ARFGEF1: variants seen among roughly 807,000 people sequenced by gnomAD.
The protein encoded by ARFGEF1 is brefeldin A-inhibited guanine nucleotide-exchange protein 1.
Under a neutral mutation model 231.0 loss-of-function variants are expected in ARFGEF1, and 42 were observed. The observed-to-expected ratio is 0.18, with a 90% confidence interval of 0.14 to 0.24. ARFGEF1 has a LOEUF of 0.24. Ranked by LOEUF, ARFGEF1 falls within the 10% of genes least tolerant of loss-of-function variation. The pLI, the probability that ARFGEF1 is intolerant of heterozygous loss-of-function variation, is 1.00. For synonymous variants in ARFGEF1, 710 were observed against 732.3 expected (o/e 0.97, Z 0.49); for missense variants, 1,345 against 2,192.0 (o/e 0.61, Z 7.72).
chr8:67,324,219 G>A (rs1399739319), intron 1 of ARFGEF1, among the ~76,000 whole-genome samples: 1 of 152,186 alleles, frequency 6.6e-6, no homozygotes, highest in Non-Finnish European at 1.5e-5. Flanking sequence ...GCTTGAACAT[G>A]GGAGGCAGAG....
At chr8:67,241,295 A>T (rs1478960044) in intron 19 of ARFGEF1, among the ~76,000 whole-genome samples, 1 of 152,190 alleles carries the variant, frequency 6.6e-6, no homozygotes, top group Non-Finnish European at 1.5e-5. Context: ...TTCTTCATCT[A>T]TTATATTTGA....
chr8:67,276,698 C>T (rs1270538558), intron 8 of ARFGEF1, among the ~76,000 whole-genome samples: 1 of 152,138 alleles, frequency 6.6e-6, no homozygotes, highest in Non-Finnish European at 1.5e-5. Context: ...TAAGGTGAAG[C>T]TCCCTAAATT....
At chr8:67,282,570 A>G (rs966375035) in intron 7 of ARFGEF1, among the ~76,000 whole-genome samples, 5 of 152,236 alleles carry the variant, frequency 3.3e-5, no homozygotes, top group Admixed American at 2.6e-4. Flanking sequence ...AATATAGGCC[A>G]GGCGCGGTGG....
Position 67,249,874 on chromosome 8 carries a change from G to A in ARFGEF1, c.2850+1425C>T, listed in dbSNP as rs146092371. On this transcript the variant is annotated intron_variant, in intron 19 of 38. Coordinates refer to ENST00000262215, the MANE Select transcript of ARFGEF1 (RefSeq NM_006421.5). Reference sequence around the variant, plus strand: ...TGACCTGAAGCAATCCACCCACCTCGGCCTCCCGAAGTGCTGGGAATACAG... The same window carrying A: ...TGACCTGAAGCAATCCACCCACCTCAGCCTCCCGAAGTGCTGGGAATACAG... Among the ~76,000 whole-genome samples the A allele has an allele frequency of 6.2e-3, 941 of 152,276 alleles. 12 individuals are homozygous for A. The highest frequency in any genetic ancestry group is 0.019 in the African/African-American group (793 of 41,554).
intron 22 of ARFGEF1, among the ~76,000 whole-genome samples, chr8:67,236,829 C>T (rs1384532240): frequency 6.6e-6 from 1 of 152,142 alleles, no homozygotes. Context: ...TGTAAATTCC[C>T]TTTTTCTGAA....
intron 6 of ARFGEF1, among the ~76,000 whole-genome samples, chr8:67,288,954 AAAAAC>A (rs1206119081): frequency 6.6e-6 from 1 of 151,958 alleles, no homozygotes; most frequent in Non-Finnish European, 1.5e-5. Context: ...AAAAAACAAA[AAAAAC>A]AAAAAAAAAA....
In ARFGEF1 at chr8:67,271,757, G is replaced by C; in HGVS notation, c.1517C>G (p.Ser506Cys). The C allele has an allele frequency of 6.2e-7, 1 of 1,613,652 alleles. No homozygotes were observed. The highest frequency in any genetic ancestry group is 1.1e-5 in the South Asian group (1 of 91,012). ...SVPEVFELSL[S>C]IFLTLLSNFK... ...ATTTGACAACAAAGTAAGAAATATA[G>C]AAAGAGAAAGCTCAAAAACCTCTGG... is the stretch of plus-strand genomic sequence containing the variant. The change falls in exon 10 of 39, where the codon TCT becomes TGT. Residue 506 changes from serine (S) to cysteine (C), a missense_variant. Ser to Cys is a moderately radical substitution (Grantham distance 112, BLOSUM62 -1). Transcript: ENST00000262215.
downstream of ARFGEF1, chr8:67,196,012 A>C (rs114550911): frequency 0.014 from 2,305 of 160,092 alleles, 60 homozygotes; most frequent in African/African-American, 0.053. Flanking sequence ...TGTAGCTGTG[A>C]TTATTCCAGT....
intron 1 of ARFGEF1, among the ~76,000 whole-genome samples, chr8:67,310,417 G>A (rs1189967651): frequency 6.6e-6 from 1 of 152,208 alleles, no homozygotes; most frequent in African/African-American, 2.4e-5. Context: ...TGCCCAGGCT[G>A]GAGTGCAGTG....
At chr8:67,342,487 T>A (rs1355079162) in intron 1 of ARFGEF1, among the ~76,000 whole-genome samples, 1 of 152,186 alleles carries the variant, frequency 6.6e-6, no homozygotes, top group Non-Finnish European at 1.5e-5. Flanking sequence ...TAAAGCCATT[T>A]TATCTAAAGG....
rs557273708 is a variant in ARFGEF1 at position 67,266,227 on chromosome 8, T to C, written c.1922-20A>G. ...CCTGACCTGAAAGAAGAAAAATTGA[T>C]AGAGTACATTATTCTATCAAAGAAA... On this transcript the variant is annotated intron_variant, in intron 13 of 38. Transcript: ENST00000262215. 2.4e-5 allele frequency: 39 copies of C among 1,600,376 alleles called. No individual in the cohort carries two copies. The South Asian group carries it at 3.5e-4, about 15-fold the overall frequency.
chr8:67,288,951 AAAAAAAAC>A (rs1346375079), intron 6 of ARFGEF1, among the ~76,000 whole-genome samples: 2 of 148,166 alleles, frequency 1.3e-5, no homozygotes, highest in Admixed American at 6.7e-5. Context: ...TGTAAAAAAC[AAAAAAAAC>A]AAAAAAAAAA....
downstream of ARFGEF1, among the ~76,000 whole-genome samples, chr8:67,194,687 TAAAA>T (rs546923662): frequency 7.4e-6 from 1 of 135,616 alleles, no homozygotes; most frequent in East Asian, 2.1e-4. Flanking sequence ...CCAGGAGAAT[TAAAA>T]AAAAAAAAAA....
At chr8:67,203,378 CAG>C in intron 35 of ARFGEF1, 127 bp from the exon 36 acceptor site, 7 of 1,100,154 alleles carry the variant, frequency 6.4e-6, no homozygotes, top group South Asian at 3.1e-5. Flanking sequence ...TCTAACCTAA[CAG>C]AAAGTAAGGG....
At chr8:67,186,959 AATCT>A (rs1347959989) in intron 5 of ARFGEF1, among the ~76,000 whole-genome samples, 22 of 148,398 alleles carry the variant, frequency 1.5e-4, no homozygotes, top group African/African-American at 3.0e-4. Flanking sequence ...CTGAGGTATA[AATCT>A]ATCTATCATC....
chr8:67,340,258 T>A (rs932953457), intron 1 of ARFGEF1, among the ~76,000 whole-genome samples: 4 of 152,200 alleles, frequency 2.6e-5, no homozygotes, highest in African/African-American at 9.7e-5. Flanking sequence ...TCAATAAATA[T>A]TTGGGGAAAG....
rs182513909 is a variant in ARFGEF1 at position 67,273,375 on chromosome 8, G to A, written c.1338-1439C>T. On this transcript the variant is annotated intron_variant, in intron 9 of 38. Coordinates refer to ENST00000262215, the MANE Select transcript of ARFGEF1 (RefSeq NM_006421.5). ...TGAACCCAGGCAACATTTCAAATGC[G>A]GAACACACCAAAATGCTCTAGCAGT... Among the ~76,000 whole-genome samples, 775 of 134,536 alleles carry A rather than the reference G, an allele frequency of 5.8e-3. 9 individuals are homozygous for A. Among genetic ancestry groups the A allele is most frequent in the African/African-American group, 0.021 (738 of 35,222 alleles). 88.3% of individuals were successfully genotyped at this position (134,536 alleles called of 152,430 possible).
intron 7 of ARFGEF1, among the ~76,000 whole-genome samples, chr8:67,281,468 A>T (rs1805533609): frequency 6.7e-6 from 1 of 150,230 alleles, no homozygotes; most frequent in South Asian, 2.1e-4. Flanking sequence ...AATTTGATAA[A>T]GAGTATCCTC....
At chr8:67,252,697 A>G (rs553107909) in intron 18 of ARFGEF1, among the ~76,000 whole-genome samples, 1 of 152,242 alleles carries the variant, frequency 6.6e-6, no homozygotes, top group Non-Finnish European at 1.5e-5. Flanking sequence ...ACCACTGTCC[A>G]CAGGTATAGA....
Sources: gnomAD v4.1 joint callset for allele counts (sites outside exome capture counted in the v4.1 genomes callset) on GRCh38, gnomAD v4.1.1 for gene constraint, MANE v1.5 for transcripts, NCBI Gene and HGNC (gene_info 2026-07-23, HGNC 2026-07-21) for gene names.